Variants in XRCC4 observed in about 807,000 individuals in gnomAD.
XRCC4 encodes DNA repair protein XRCC4.
In XRCC4, 28 loss-of-function variants were observed where a neutral mutation model predicts 39.1. That is an observed-to-expected ratio of 0.72 (90% CI 0.53 to 0.98). The LOEUF is 0.98. Ranked by LOEUF, XRCC4 falls within the 50% of genes least tolerant of loss-of-function variation. The pLI is 0.00. For missense variants in XRCC4, 350 were observed against 376.4 expected (o/e 0.93, Z 0.58); for synonymous variants, 123 against 126.4 (o/e 0.97, Z 0.18).
chr5:83,306,613 C>T (rs187354556), intron 7 of XRCC4, among the ~76,000 whole-genome samples: 1 of 152,286 alleles, frequency 6.6e-6, no homozygotes, highest in East Asian at 1.9e-4. Context: ...AGTTCTCAGC[C>T]ATTGTTGTTT....
At chr5:83,119,078 G>A (rs1746874644) in intron 3 of XRCC4, among the ~76,000 whole-genome samples, 1 of 152,006 alleles carries the variant, frequency 6.6e-6, no homozygotes, top group Admixed American at 6.5e-5. Context: ...TGAAAATGAG[G>A]TAAAACCAGT....
Position 83,203,654 on chromosome 5 carries a change from TAATA to T in XRCC4, c.589_592del (p.Lys197TyrfsTer2). On this transcript the variant is annotated frameshift_variant, in exon 5 of 8. Coordinates refer to ENST00000396027, the MANE Select transcript of XRCC4 (RefSeq NM_003401.5). LOFTEE classifies it high-confidence loss of function. ...AGAAAACAAAAATCAGAAGTTTGCA[TAATA>T]AATTATTAAATGCAGCTCAAGAACG... 1 of 1,610,900 alleles carries T rather than the reference TAATA, an allele frequency of 6.2e-7. No homozygotes were observed. The highest frequency in any genetic ancestry group is 8.5e-7 in the Non-Finnish European group (1 of 1,178,736).
intron 1 of XRCC4, among the ~76,000 whole-genome samples, chr5:83,089,423 G>A (rs774915964): frequency 2.6e-5 from 4 of 152,118 alleles, no homozygotes; most frequent in Non-Finnish European, 5.9e-5. Flanking sequence ...TTCCCCCAGT[G>A]GGGGAATAAG....
chr5:83,351,141 C>T lies in XRCC4; in HGVS notation c.894-1990C>T, dbSNP rs117272045. Among the ~76,000 whole-genome samples the T allele has an allele frequency of 7.8e-4, 118 of 152,248 alleles. 1 individual carries two copies. The East Asian group carries it at 0.012, about 16-fold the overall frequency. ...TAAAAATGTGTGGCATCTTACCCCCCGCTTCCTCCTTCTCCGGCCATGTAA... is the reference window on the plus strand; with the variant it reads ...TAAAAATGTGTGGCATCTTACCCCCTGCTTCCTCCTTCTCCGGCCATGTAA... On this transcript the variant is annotated intron_variant, in intron 7 of 7. Transcript: ENST00000396027.
chr5:83,216,737 A>T (rs1331174674), intron 6 of XRCC4, among the ~76,000 whole-genome samples: 1 of 152,170 alleles, frequency 6.6e-6, no homozygotes, highest in East Asian at 1.9e-4. Context: ...GTATGATCCT[A>T]TTTATATCTA....
chr5:83,289,714 CT>C, intron 7 of XRCC4, among the ~76,000 whole-genome samples: 1 of 151,664 alleles, frequency 6.6e-6, no homozygotes, highest in East Asian at 1.9e-4. Flanking sequence ...GGTGTTGTAC[CT>C]TTTTTTCCCT....
At chr5:83,191,732 C>T (rs1462095330) in intron 3 of XRCC4, among the ~76,000 whole-genome samples, 2 of 152,122 alleles carry the variant, frequency 1.3e-5, no homozygotes, top group African/African-American at 4.8e-5. Flanking sequence ...GGTTTCCCTG[C>T]ATAAGCTCTG....
chr5:83,133,490 G>T (rs1269359695), intron 3 of XRCC4, among the ~76,000 whole-genome samples: 4 of 152,188 alleles, frequency 2.6e-5, no homozygotes, highest in Non-Finnish European at 5.9e-5. Context: ...CCCAAAGGTG[G>T]ATTCTACAGA....
chr5:83,111,219 CA>C lies in XRCC4; in HGVS notation c.315+20del, dbSNP rs1746431949. ...AGATGTCTCAGTAAGTAAAACTTTC[CA>C]AAATGTTACATAGTAAAATGTCAGA... On this transcript the variant is annotated intron_variant, in intron 3 of 7. Transcript: ENST00000396027. 1.3e-6 allele frequency: 2 copies of C among 1,551,100 alleles called. No individual in the cohort carries two copies. The highest frequency in any genetic ancestry group is 2.4e-5 in the South Asian group (2 of 82,064).
At chr5:83,200,944 A>G (rs1470389416) in intron 4 of XRCC4, among the ~76,000 whole-genome samples, 1 of 152,152 alleles carries the variant, frequency 6.6e-6, no homozygotes, top group Non-Finnish European at 1.5e-5. Context: ...TAAACTATCA[A>G]TATTGCTAGC....
At chr5:83,372,700 C>T in the XRCC4 span, among the ~76,000 whole-genome samples, 12,462 of 152,190 alleles carry the variant, frequency 0.082, 1,137 homozygotes, top group East Asian at 0.48. Context: ...AATGTATTTT[C>T]TCAATCTACA....
intron 6 of XRCC4, among the ~76,000 whole-genome samples, chr5:83,215,374 TA>T (rs1370042537): frequency 1.3e-5 from 2 of 151,996 alleles, no homozygotes; most frequent in African/African-American, 4.8e-5. Context: ...TTAAGATAAA[TA>T]CTTTCAAATT....
chr5:83,090,979 A>G (rs1268793044), intron 1 of XRCC4, among the ~76,000 whole-genome samples: 1 of 152,204 alleles, frequency 6.6e-6, no homozygotes, highest in Non-Finnish European at 1.5e-5. Context: ...AATTAAGCTA[A>G]TTAACATATC....
chr5:83,349,457 G>A (rs1757015919), intron 7 of XRCC4, among the ~76,000 whole-genome samples: 1 of 152,076 alleles, frequency 6.6e-6, no homozygotes, highest in African/African-American at 2.4e-5. Flanking sequence ...CTATTGACTT[G>A]CCATAGATAT....
chr5:83,197,699 G>A (rs1231989061), intron 4 of XRCC4, among the ~76,000 whole-genome samples: 2 of 152,078 alleles, frequency 1.3e-5, no homozygotes, highest in Non-Finnish European at 2.9e-5. Context: ...GAGATTTCCT[G>A]TTTGATCAAA....
intron 4 of XRCC4, among the ~76,000 whole-genome samples, chr5:83,198,410 CAT>C (rs1331155773): frequency 6.6e-6 from 1 of 151,998 alleles, no homozygotes; most frequent in Non-Finnish European, 1.5e-5. Flanking sequence ...GTTGTGTACA[CAT>C]GTGTTTATTA....
chr5:83,359,291 G>C, the XRCC4 span, among the ~76,000 whole-genome samples: 1 of 152,220 alleles, frequency 6.6e-6, no homozygotes. Context: ...TTGAAGTAGC[G>C]TACAGAAGAG....
At chr5:83,123,247 A>C (rs1038857862) in intron 3 of XRCC4, among the ~76,000 whole-genome samples, 1 of 152,074 alleles carries the variant, frequency 6.6e-6, no homozygotes, top group African/African-American at 2.4e-5. Context: ...AAGCTTTGAC[A>C]TGCTCTCTTG....
At chr5:83,270,155 C>A (rs926793646) in intron 7 of XRCC4, among the ~76,000 whole-genome samples, 1 of 152,118 alleles carries the variant, frequency 6.6e-6, no homozygotes, top group Admixed American at 6.5e-5. Flanking sequence ...GAATCTAATG[C>A]TGCTGCTGAT....
Sources: gnomAD v4.1 joint callset for allele counts (sites outside exome capture counted in the v4.1 genomes callset) on GRCh38, gnomAD v4.1.1 for gene constraint, MANE v1.5 for transcripts, NCBI Gene and HGNC (gene_info 2026-07-23, HGNC 2026-07-21) for gene names.